MTA3: variants seen among roughly 807,000 people sequenced by gnomAD.
MTA3 encodes metastasis-associated protein MTA3.
In MTA3, 34 loss-of-function variants were observed where a neutral mutation model predicts 83.5. The ratio of observed to expected loss-of-function variants is 0.41; its 90% CI spans 0.31 to 0.54. The LOEUF is 0.54. Among genes scored for constraint, MTA3 ranks in the 20% least tolerant of loss-of-function variants. The probability of loss-of-function intolerance (pLI) is 0.33; values close to 1 mark genes in which losing one functional copy is unlikely to be tolerated. For missense variants in MTA3, 761 were observed against 726.4 expected (o/e 1.05, Z -0.55); for synonymous variants, 303 against 252.7 (o/e 1.20, Z -1.89).
At position 42,609,572 on chromosome 2, in the gene MTA3, C is replaced by T; in HGVS notation, c.305C>T (p.Ala102Val). 6.2e-7 allele frequency: 1 copy of T among 1,613,512 alleles called. No homozygotes were observed. Among genetic ancestry groups the T allele is most frequent in the Non-Finnish European group, 8.5e-7 (1 of 1,179,646 alleles). Residue 102 changes from alanine to valine, a missense_variant, in exon 4 of 17, where the codon GCA becomes GTA. Coordinates refer to ENST00000405094, the MANE Select transcript of MTA3 (RefSeq NM_001330442.2). ...TCACGCCAGTATGAATCTCTGCCCG[C>T]AACACATATCAGGTAAGAACTTTTT... Reference protein sequence around the residue: ...FLSRQYESLPATHIRGKCSVA... With the variant: ...FLSRQYESLPVTHIRGKCSVA...
At chr2:42,505,250 G>A (rs375772259) in intron 2 of MTA3, among the ~76,000 whole-genome samples, 37 of 152,150 alleles carry the variant, frequency 2.4e-4, no homozygotes, top group African/African-American at 7.7e-4. Flanking sequence ...AAATTAGCCC[G>A]GCGTGGTGGC....
intron 1 of MTA3, among the ~76,000 whole-genome samples, chr2:42,570,127 A>G (rs1289448035): frequency 6.6e-6 from 1 of 152,224 alleles, no homozygotes; most frequent in East Asian, 1.9e-4. Flanking sequence ...ACACATGTTT[A>G]GCGTGCCCTG....
chr2:42,755,435 A>G lies in MTA3; in HGVS notation c.*2036A>G, dbSNP rs1307378797. 2.0e-6 allele frequency: 2 copies of G among 985,328 alleles called. No homozygotes were observed. The highest frequency in any genetic ancestry group is 6.1e-5 in the Admixed American group (1 of 16,266). The allele number at this position is 985,328 out of a possible 1,614,324, so 61.0% of individuals were successfully genotyped here. ...AAGCAGGAGAAGGGAGGCCCCTCCT[A>G]TCTACCCAGTTGACATTTGGCTTTG... On this transcript the variant is annotated 3_prime_UTR_variant, in exon 17 of 17. Coordinates refer to ENST00000405094, the MANE Select transcript of MTA3 (RefSeq NM_001330442.2).
intron 4 of MTA3, among the ~76,000 whole-genome samples, chr2:42,636,310 T>C (rs1687188331): frequency 6.6e-6 from 1 of 151,896 alleles, no homozygotes; most frequent in Admixed American, 6.6e-5. Flanking sequence ...GAGGCCAAGG[T>C]GGGAGGATCG....
At chr2:42,565,951 C>T (rs1451691490), upstream of MTA3, among the ~76,000 whole-genome samples, 1 of 152,116 alleles carries the variant, frequency 6.6e-6, no homozygotes, top group Non-Finnish European at 1.5e-5. Context: ...TTGCAGTGAG[C>T]CGAATCCGAA....
intron 14 of MTA3, among the ~76,000 whole-genome samples, chr2:42,711,838 T>TTGAGG (rs1666648797): frequency 7.0e-6 from 1 of 142,266 alleles, no homozygotes; most frequent in Non-Finnish European, 1.5e-5. Context: ...TTTCCTTAGT[T>TTGAGG]TCTCAAAGGC....
intron 3 of MTA3, among the ~76,000 whole-genome samples, chr2:42,595,417 A>G (rs868689648): frequency 6.6e-6 from 1 of 152,038 alleles, no homozygotes; most frequent in Non-Finnish European, 1.5e-5. Context: ...GCATGTTTTT[A>G]TATTTTTAAA....
rs1558472906 is a variant in MTA3 at position 42,594,723 on chromosome 2, T to TAA, written c.191-14734_191-14733insAA. On this transcript the variant is annotated intron_variant, in intron 3 of 16. Transcript: ENST00000405094. ...AAATATACATATATATATATATATA[T>TAA]ATATATTTTTTTTTTTTTTTTGAGA... 3.1e-4 allele frequency among the ~76,000 whole-genome samples: 13 copies of TAA among 42,122 alleles called. 1 individual carries two copies. Among genetic ancestry groups the TAA allele is most frequent in the African/African-American group, 2.1e-3 (13 of 6,072 alleles). 27.6% of individuals were successfully genotyped at this position (42,122 alleles called of 152,430 possible).
intron 2 of MTA3, among the ~76,000 whole-genome samples, chr2:42,516,893 G>A (rs1357838792): frequency 6.6e-6 from 1 of 152,198 alleles, no homozygotes; most frequent in East Asian, 1.9e-4. Context: ...GAGAGGCCAT[G>A]AAGGGAGGAA....
At chr2:42,722,197 A>G (rs1366276567) in intron 15 of MTA3, among the ~76,000 whole-genome samples, 1 of 152,186 alleles carries the variant, frequency 6.6e-6, no homozygotes, top group African/African-American at 2.4e-5. Flanking sequence ...ACAGTGTTAC[A>G]GTTTCTGTCC....
intron 9 of MTA3, among the ~76,000 whole-genome samples, chr2:42,686,841 G>C (rs916404841): frequency 5.3e-5 from 8 of 150,028 alleles, no homozygotes; most frequent in African/African-American, 2.0e-4. Flanking sequence ...AAAAAGGGCT[G>C]GGCATTGTGG....
chr2:42,720,951 C>CAAAAAAAAAAAA (rs377702701), intron 15 of MTA3, among the ~76,000 whole-genome samples: 3 of 69,584 alleles, frequency 4.3e-5, no homozygotes, highest in African/African-American at 1.6e-4. Flanking sequence ...GACCCTGTCT[C>CAAAAAAAAAAAA]AAAAAAAAAA....
At chr2:42,609,348 A>G (rs748037331) in intron 3 of MTA3, 110 bp from the exon 4 acceptor site, 1 of 1,212,742 alleles carries the variant, frequency 8.2e-7, no homozygotes, top group Non-Finnish European at 1.1e-6. Context: ...TAAATTTAAA[A>G]TTGATTAGTT....
In MTA3 at chr2:42,704,041, T is replaced by C. The variant is rs866127316; in HGVS notation, c.1026-153T>C. On this transcript the variant is annotated intron_variant, in intron 11 of 16. Coordinates refer to ENST00000405094, the MANE Select transcript of MTA3 (RefSeq NM_001330442.2). ...TAAAGATGAGTAGTGTGAGTTCATT[T>C]AACACCTTGGTTTTACCAGTTTATT... The C allele has an allele frequency of 4.8e-6, 4 of 840,646 alleles. 1 individual carries two copies. The South Asian group carries it at 7.4e-5, about 16-fold the overall frequency. The allele number at this position is 840,646 out of a possible 1,614,324, so 52.1% of individuals were successfully genotyped here.
At chr2:42,722,721 C>T (rs1174101807) in intron 15 of MTA3, among the ~76,000 whole-genome samples, 168 bp from the exon 16 acceptor site, 1 of 152,120 alleles carries the variant, frequency 6.6e-6, no homozygotes, top group Admixed American at 6.5e-5. Flanking sequence ...TAAGCAAAGC[C>T]ATGGCAACAA....
At position 42,589,409 on chromosome 2, in the gene MTA3, C is replaced by A. The variant is rs1680706657; in HGVS notation, c.190+10209C>A. On this transcript the variant is annotated intron_variant, in intron 3 of 16. Coordinates refer to ENST00000405094, the MANE Select transcript of MTA3 (RefSeq NM_001330442.2). ...TTTGTTCAGTTGTGGAAAATTATCA[C>A]CAGTAACCTTAATGGCAAAGCCAGT... 2.6e-5 allele frequency among the ~76,000 whole-genome samples: 4 copies of A among 152,128 alleles called. No individual in the cohort carries two copies. The South Asian group carries it at 8.3e-4, about 31-fold the overall frequency.
intron 2 of MTA3, among the ~76,000 whole-genome samples, chr2:42,502,394 G>A (rs1047960928): frequency 3.3e-5 from 5 of 152,134 alleles, no homozygotes; most frequent in East Asian, 1.9e-4. Flanking sequence ...GTGGAGGTAC[G>A]GGTTTCTGAA....
chr2:42,544,221 G>T (rs1002358053), intron 2 of MTA3, among the ~76,000 whole-genome samples: 1 of 152,104 alleles, frequency 6.6e-6, no homozygotes, highest in Non-Finnish European at 1.5e-5. Context: ...GCCAAAGCAG[G>T]CAGATCACAA....
intron 6 of MTA3, among the ~76,000 whole-genome samples, chr2:42,645,269 A>T (rs1386740513): frequency 6.6e-6 from 1 of 151,926 alleles, no homozygotes; most frequent in East Asian, 1.9e-4. Context: ...TCATGCCTTT[A>T]ATCCCAGCAC....
Sources: gnomAD v4.1 joint callset for allele counts (sites outside exome capture counted in the v4.1 genomes callset) on GRCh38, gnomAD v4.1.1 for gene constraint, MANE v1.5 for transcripts, NCBI Gene and HGNC (gene_info 2026-07-23, HGNC 2026-07-21) for gene names.